SLC8A1: variants seen among roughly 807,000 people sequenced by gnomAD.
SLC8A1 encodes sodium/calcium exchanger 1.
Under a neutral mutation model 68.3 loss-of-function variants are expected in SLC8A1, and 18 were observed. The observed-to-expected ratio is 0.26, with a 90% CI of 0.18 to 0.39. The LOEUF (loss-of-function observed/expected upper bound fraction) is 0.39. SLC8A1 is among the 10% of genes least tolerant of loss of function. SLC8A1 has a pLI of 1.00. For synonymous variants in SLC8A1, 475 were observed against 415.5 expected, an observed-to-expected ratio of 1.14 and a Z score of -1.74; for missense variants, 985 against 1,156.7, an observed-to-expected ratio of 0.85 and a Z score of 2.15.
intron 2 of SLC8A1, among the ~76,000 whole-genome samples, chr2:40,323,371 G>C (rs1175562429): frequency 6.6e-6 from 1 of 152,070 alleles, no homozygotes; most frequent in Non-Finnish European, 1.5e-5. Context: ...CTTGCAAATA[G>C]AATTGTCATG....
chr2:40,157,662 G>T (rs548350816), intron 6 of SLC8A1, among the ~76,000 whole-genome samples: 25 of 152,114 alleles, frequency 1.6e-4, no homozygotes, highest in Non-Finnish European at 2.8e-4. Flanking sequence ...ACTCAAACTG[G>T]ACAGGGAATG....
chr2:40,384,024 G>A (rs1209269680), intron 2 of SLC8A1, among the ~76,000 whole-genome samples: 1 of 151,988 alleles, frequency 6.6e-6, no homozygotes, highest in Non-Finnish European at 1.5e-5. Context: ...ATTTTGGGAG[G>A]TTGAAATGGG....
upstream of SLC8A1, among the ~76,000 whole-genome samples, chr2:40,452,326 T>C (rs1702662830): frequency 6.6e-6 from 1 of 151,806 alleles, no homozygotes; most frequent in South Asian, 2.1e-4. Flanking sequence ...GCCGGCGCGT[T>C]TCTGGAGCAC....
chr2:40,188,678 G>A (rs1317716746), intron 2 of SLC8A1, among the ~76,000 whole-genome samples: 1 of 152,230 alleles, frequency 6.6e-6, no homozygotes, highest in Non-Finnish European at 1.5e-5. Context: ...GCTAGAATAT[G>A]CTGAAAGCAT....
chr2:40,376,583 A>G (rs528397832), intron 2 of SLC8A1, among the ~76,000 whole-genome samples: 10 of 152,028 alleles, frequency 6.6e-5, no homozygotes, highest in Admixed American at 1.3e-4. Flanking sequence ...AAAAGAAAGG[A>G]AAAGGGAAAG....
intron 2 of SLC8A1, among the ~76,000 whole-genome samples, chr2:40,353,857 A>C (rs1401293750): frequency 6.6e-6 from 1 of 152,150 alleles, no homozygotes; most frequent in Non-Finnish European, 1.5e-5. Flanking sequence ...AAGGAGAGGG[A>C]GGCACCAGAT....
intron 1 of SLC8A1, among the ~76,000 whole-genome samples, chr2:40,510,999 C>T (rs374655766): frequency 1.3e-5 from 2 of 152,252 alleles, no homozygotes; most frequent in African/African-American, 4.8e-5. Context: ...AAATGAATTG[C>T]TTTTCCCAGA....
chr2:40,185,513 A>C (rs1473491127), intron 2 of SLC8A1, among the ~76,000 whole-genome samples: 1 of 152,182 alleles, frequency 6.6e-6, no homozygotes, highest in Non-Finnish European at 1.5e-5. Flanking sequence ...TTGTGTGATT[A>C]CATGTTATAG....
At chr2:40,429,913 G>C in exon 2 of SLC8A1, 6 of 1,613,484 alleles carry the variant, frequency 3.7e-6, no homozygotes, top group Non-Finnish European at 5.1e-6. Flanking sequence ...AGTTGTCTTG[G>C]TGGTCTCTCC....
At chr2:40,136,576 C>T (rs2110921) in intron 7 of SLC8A1, among the ~76,000 whole-genome samples, 37,659 of 151,924 alleles carry the variant, frequency 0.25, 5,159 homozygotes, top group East Asian at 0.61. Flanking sequence ...AGGAAAAGTG[C>T]CAAAACATGG....
rs140314393 is a variant in SLC8A1, at chr2:40,487,601, C to T, written c.-25+24748G>A. Among the ~76,000 whole-genome samples, 100 of 152,126 alleles carry T rather than the reference C, an allele frequency of 6.6e-4. 1 individual carries two copies. Among genetic ancestry groups the T allele is most frequent in the African/African-American group, 2.1e-3 (88 of 41,502 alleles). ...TATTTGGATATATTAACACAGTAGT[C>T]GGGGGAAAAATAGTGAATTCCTACT... On this transcript the variant is annotated intron_variant, in intron 1 of 7. Coordinates refer to the SLC8A1 transcript ENST00000402441.
intron 2 of SLC8A1, among the ~76,000 whole-genome samples, chr2:40,350,592 A>C: frequency 3.0e-5 from 1 of 33,094 alleles, no homozygotes; most frequent in South Asian, 1.3e-3. Context: ...ACAAGCAAAA[A>C]AAAAAAAAAA....
chr2:40,470,057 C>T (rs1378515430), intron 1 of SLC8A1, among the ~76,000 whole-genome samples: 3 of 151,426 alleles, frequency 2.0e-5, no homozygotes, highest in East Asian at 2.0e-4. Context: ...TCAGTTTCAA[C>T]ATTGTTTTAG....
At chr2:40,388,353 A>G (rs1488928080) in intron 2 of SLC8A1, among the ~76,000 whole-genome samples, 1 of 152,180 alleles carries the variant, frequency 6.6e-6, no homozygotes, top group Non-Finnish European at 1.5e-5. Context: ...TTCTGACAGC[A>G]CGCTTCCTAG....
intron 2 of SLC8A1, among the ~76,000 whole-genome samples, chr2:40,360,312 T>C (rs1366948489): frequency 6.6e-6 from 1 of 152,166 alleles, no homozygotes; most frequent in African/African-American, 2.4e-5. Flanking sequence ...AAATTTGGGA[T>C]CATCATGCTA....
At chr2:40,412,423 A>G (rs568160841) in intron 2 of SLC8A1, among the ~76,000 whole-genome samples, 1 of 152,270 alleles carries the variant, frequency 6.6e-6, no homozygotes, top group Admixed American at 6.6e-5. Context: ...ATGGTATATT[A>G]GGCACTGGAT....
At chr2:40,359,219 A>C (rs1468363598) in intron 2 of SLC8A1, among the ~76,000 whole-genome samples, 1 of 152,208 alleles carries the variant, frequency 6.6e-6, no homozygotes, top group Non-Finnish European at 1.5e-5. Context: ...CTGTGAAAAA[A>C]TGAAACTCTC....
chr2:40,265,817 A>G (rs570070506), intron 2 of SLC8A1, among the ~76,000 whole-genome samples: 1 of 152,256 alleles, frequency 6.6e-6, no homozygotes, highest in East Asian at 1.9e-4. Flanking sequence ...CAACACTTCT[A>G]TAGCATGCAA....
At chr2:40,249,264 G>C (rs1375999414) in intron 2 of SLC8A1, among the ~76,000 whole-genome samples, 1 of 151,892 alleles carries the variant, frequency 6.6e-6, no homozygotes, top group Non-Finnish European at 1.5e-5. Flanking sequence ...AAAAAAATAG[G>C]GTTTTGATCT....
Sources: allele counts gnomAD v4.1 joint callset (sites outside exome capture counted in the v4.1 genomes callset), GRCh38; gene constraint gnomAD v4.1.1; transcripts MANE v1.5; gene names NCBI Gene and HGNC (gene_info 2026-07-23, HGNC 2026-07-21).